LRRC56: variants seen among roughly 807,000 people sequenced by gnomAD.
The protein encoded by LRRC56 is leucine rich repeat containing 56.
LRRC56 carries 41 observed loss-of-function variants against 47.8 expected under a neutral mutation model. The ratio of observed to expected loss-of-function variants is 0.86; its 90% CI spans 0.67 to 1.11. The LOEUF (loss-of-function observed/expected upper bound fraction) is 1.11. Ranked by LOEUF, LRRC56 falls within the 50% of genes most tolerant of loss-of-function variation. LRRC56 has a pLI of 0.00. For missense variants in LRRC56, 759 were observed against 704.2 expected (o/e 1.08, Z -0.88); for synonymous variants, 387 against 311.2 (o/e 1.24, Z -2.56).
At position 554,886 on chromosome 11, in the gene LRRC56, C is replaced by T; in HGVS notation, c.*610C>T. 1.1e-6 allele frequency: 1 copy of T among 872,480 alleles called. No homozygotes were observed. The allele number at this position is 872,480 out of a possible 1,614,324, so 54.0% of individuals were successfully genotyped here. A position where few individuals can be genotyped will look rare whatever the true frequency, so the allele number is the denominator to read the frequency against. ...GAAATGCGGTTTACTTTGTAGGCCA[C>T]GTTGGTTCAATAAATGATGCAGCGG... is the stretch of plus-strand genomic sequence containing the variant. On this transcript the variant is annotated 3_prime_UTR_variant, in exon 14 of 14. Coordinates refer to ENST00000270115, the MANE Select transcript of LRRC56 (RefSeq NM_198075.4).
At chr11:520,610 C>T in the LRRC56 span, among the ~76,000 whole-genome samples, 4 of 152,262 alleles carry the variant, frequency 2.6e-5, no homozygotes, top group African/African-American at 9.6e-5. Context: ...TGAGCCACCG[C>T]GCCCGGCCTA....
upstream of LRRC56, chr11:532,532 G>A: frequency 4.7e-6 from 7 of 1,484,054 alleles, no homozygotes; most frequent in South Asian, 1.2e-5. Flanking sequence ...GCTGGGCGGG[G>A]CACAAGGGAG....
chr11:519,293 CTTTATTAGAACGCGGG>C, the LRRC56 span, among the ~76,000 whole-genome samples: 15 of 139,006 alleles, frequency 1.1e-4, no homozygotes, highest in South Asian at 3.3e-3. Flanking sequence ...CACAGGTGAG[CTTTATTAGAACGCGGG>C]CTGATACACA....
chr11:530,530 CGAGTGTGG>C, the LRRC56 span, among the ~76,000 whole-genome samples: 1 of 35,916 alleles, frequency 2.8e-5, no homozygotes, highest in Admixed American at 3.7e-4. Flanking sequence ...GAGAGAAGGG[CGAGTGTGG>C]CGTCCCCTGG....
chr11:545,580 G>A (rs1157928594), intron 6 of LRRC56, among the ~76,000 whole-genome samples: 2 of 152,184 alleles, frequency 1.3e-5, no homozygotes, highest in African/African-American at 4.8e-5. Context: ...TCCCGGGAGA[G>A]GCACAGCAGA....
chr11:510,420 G>C, the LRRC56 span, among the ~76,000 whole-genome samples: 11 of 151,984 alleles, frequency 7.2e-5, no homozygotes, highest in Non-Finnish European at 1.5e-4. Context: ...TGGCCAACAT[G>C]GTGAAACCCC....
At chr11:522,629 G>C in the LRRC56 span, among the ~76,000 whole-genome samples, 1 of 152,058 alleles carries the variant, frequency 6.6e-6, no homozygotes, top group African/African-American at 2.4e-5. Context: ...CAACTCCTGA[G>C]CTCAAGCAAT....
Position 552,081 on chromosome 11 carries a change from C to A in LRRC56, c.1039-9C>A. The A allele has an allele frequency of 1.2e-6, 2 of 1,608,814 alleles. No homozygotes were observed. The highest frequency in any genetic ancestry group is 1.7e-6 in the Non-Finnish European group (2 of 1,176,950). On this transcript the variant is annotated splice_polypyrimidine_tract_variant and intron_variant, in intron 11 of 13. Coordinates refer to ENST00000270115, the MANE Select transcript of LRRC56 (RefSeq NM_198075.4). ...CAGAATCCCTAAAGCAGTCCCTTTT[C>A]CTCCCCAGGCCAGGGAGCCCCCCGA...
Position 554,191 on chromosome 11 carries a change from G to A in LRRC56, c.1544G>A (p.Cys515Tyr), listed in dbSNP as rs372341818. 14 of 1,562,428 alleles carry A rather than the reference G, an allele frequency of 9.0e-6. No individual in the cohort carries two copies. The highest frequency in any genetic ancestry group is 1.4e-5 in the African/African-American group (1 of 73,848). ...ASRLSPRAQG[C>Y]PGPKPAPDAA... is the part of the protein sequence containing the mutation. ...CGCCTGAGCCCTCGAGCCCAGGGATGTCCTGGCCCAAAGCCAGCACCAGAT... is the reference window on the plus strand; with the variant it reads ...CGCCTGAGCCCTCGAGCCCAGGGATATCCTGGCCCAAAGCCAGCACCAGAT... Residue 515 changes from cysteine (C) to tyrosine (Y), a missense_variant, in exon 14 of 14, where the codon TGT becomes TAT. Transcript: ENST00000270115.
the LRRC56 span, among the ~76,000 whole-genome samples, chr11:513,302 G>A: frequency 4.6e-5 from 7 of 152,244 alleles, no homozygotes; most frequent in African/African-American, 1.7e-4. Context: ...ACAGGCACAC[G>A]CCACCATGCC....
At chr11:532,738 G>A (rs770648642), upstream of LRRC56, 20 of 1,612,882 alleles carry the variant, frequency 1.2e-5, no homozygotes, top group East Asian at 3.8e-4. Flanking sequence ...CCAACGTGTA[G>A]AAGGCATCCT....
the LRRC56 span, among the ~76,000 whole-genome samples, chr11:512,019 C>T: frequency 1.3e-5 from 2 of 152,120 alleles, no homozygotes; most frequent in African/African-American, 2.4e-5. Flanking sequence ...TCTCGGCTCA[C>T]TGCAACCTCC....
chr11:535,774 G>C (rs1047068675), upstream of LRRC56, among the ~76,000 whole-genome samples: 13 of 152,192 alleles, frequency 8.5e-5, no homozygotes, highest in Middle Eastern at 6.8e-3. Context: ...GCTGGAGACC[G>C]GAGCCGAGCT....
chr11:519,215 C>T, the LRRC56 span, among the ~76,000 whole-genome samples: 1 of 152,252 alleles, frequency 6.6e-6, no homozygotes, highest in African/African-American at 2.4e-5. Context: ...TTCCTTAGAT[C>T]TCCGTGTTTC....
chr11:518,518 G>A, the LRRC56 span, among the ~76,000 whole-genome samples: 527 of 152,050 alleles, frequency 3.5e-3, 4 homozygotes, highest in African/African-American at 0.012. Flanking sequence ...TGGTAGAGAT[G>A]GGGTTTCATT....
intron 3 of LRRC56, among the ~76,000 whole-genome samples, chr11:540,291 G>A (rs982266004): frequency 2.0e-5 from 3 of 152,166 alleles, no homozygotes; most frequent in Admixed American, 6.5e-5. Context: ...AGGCAGTGCC[G>A]GGAGCCCCAC....
chr11:548,825 C>T lies in LRRC56; in HGVS notation c.327-1077C>T, dbSNP rs151151775. On this transcript the variant is annotated intron_variant, in intron 6 of 13. Coordinates refer to ENST00000270115, the MANE Select transcript of LRRC56 (RefSeq NM_198075.4). ...GACGTCGCCACAGTGGACACTGGAA[C>T]GAAAGGCTTTGCAGCCTCCTGGGAA... Among the ~76,000 whole-genome samples, 976 of 152,248 alleles carry T rather than the reference C, an allele frequency of 6.4e-3. 10 individuals are homozygous for T. The highest frequency in any genetic ancestry group is 0.013 in the Admixed American group (194 of 15,290).
the LRRC56 span, among the ~76,000 whole-genome samples, chr11:515,816 C>T: frequency 4.6e-3 from 700 of 152,106 alleles, 4 homozygotes; most frequent in Non-Finnish European, 7.4e-3. Flanking sequence ...CCAACCTGGG[C>T]GAGAGAGTGA....
chr11:551,441 C>A, intron 9 of LRRC56, 139 bp downstream of exon 9: 1 of 791,510 alleles, frequency 1.3e-6, no homozygotes, highest in Non-Finnish European at 2.0e-6. Flanking sequence ...CAGAGCTGTG[C>A]ACACCCGGCC....
Sources: gnomAD v4.1 joint callset for allele counts (sites outside exome capture counted in the v4.1 genomes callset) on GRCh38, gnomAD v4.1.1 for gene constraint, MANE v1.5 for transcripts, NCBI Gene and HGNC (gene_info 2026-07-23, HGNC 2026-07-21) for gene names.